Variants in KNDC1 observed in about 807,000 individuals in gnomAD.
KNDC1 encodes kinase non-catalytic C-lobe domain containing 1.
KNDC1 carries 106 observed loss-of-function variants against 172.8 expected under a neutral mutation model. The observed-to-expected ratio is 0.61, with a 90% CI of 0.52 to 0.72. KNDC1 has a LOEUF of 0.72. Among genes scored for constraint, KNDC1 ranks in the 30% least tolerant of loss-of-function variants. The pLI is 0.00. For synonymous variants in KNDC1, 1,083 were observed against 1,062.2 expected, an observed-to-expected ratio of 1.02 and a Z score of -0.38; for missense variants, 2,325 against 2,394.5, an observed-to-expected ratio of 0.97 and a Z score of 0.61.
rs754137623 is a variant in KNDC1, at chr10:133,224,794, C to T, written c.5154C>T (p.Ala1718=). 57 of 1,614,128 alleles carry T rather than the reference C, an allele frequency of 3.5e-5. 1 individual carries two copies. In the Middle Eastern group the frequency reaches 1.5e-3, roughly 42 times the overall value. ...GCGGTGCCGACATTTCCACACTCGC[C>T]GCAGATAGCAGGGCCAACTTCCACC... ...RFSGADISTL[A]ADSRANFHQV... The change falls in exon 30 of 30, where the codon GCC becomes GCT. Residue 1718 remains alanine, a synonymous_variant. Coordinates refer to ENST00000304613, the MANE Select transcript of KNDC1 (RefSeq NM_152643.8). The surrounding 1 kb of genome is among the most constrained non-coding windows in gnomAD (Gnocchi z 5.4).
At chr10:133,184,108 T>C (rs979346842) in intron 5 of KNDC1, 119 bp downstream of exon 5, 11 of 526,974 alleles carry the variant, frequency 2.1e-5, no homozygotes, top group Admixed American at 3.3e-5. Context: ...CACACACCCA[T>C]ACTGCACACA....
chr10:133,170,857 C>T (rs1280334964), intron 3 of KNDC1, among the ~76,000 whole-genome samples: 1 of 152,218 alleles, frequency 6.6e-6, no homozygotes, highest in Admixed American at 6.5e-5. Context: ...AGCCCAACCC[C>T]AGCCCTAACC....
In KNDC1 at chr10:133,224,200, A is replaced by G. The variant is rs1013459287; in HGVS notation, c.5019-459A>G. Among the ~76,000 whole-genome samples, 6 of 152,206 alleles carry G rather than the reference A, an allele frequency of 3.9e-5. No homozygotes were observed. Among genetic ancestry groups the G allele is most frequent in the Admixed American group, 3.9e-4 (6 of 15,282 alleles). ...TGAGGGCTCCTGCTCGTGACTGGCC[A>G]GCTTTCTCCATTATATTCTATGGTG... On this transcript the variant is annotated intron_variant, in intron 29 of 29. Transcript: ENST00000304613. The surrounding 1 kb of genome is among the most constrained non-coding windows in gnomAD (Gnocchi z 5.4).
chr10:133,170,876 A>T (rs887772560), intron 3 of KNDC1, among the ~76,000 whole-genome samples: 7 of 149,456 alleles, frequency 4.7e-5, no homozygotes, highest in Admixed American at 4.0e-4. Context: ...CCCTAACTCC[A>T]CTGTCCGCTC....
In KNDC1 at chr10:133,166,127, G is replaced by A. The variant is rs11101600; in HGVS notation, c.103-1254G>A. On this transcript the variant is annotated intron_variant, in intron 1 of 29. Transcript: ENST00000304613. ...TTGCAGTGCCAGCCGCTGGGGCAGG[G>A]TAGGGGGACCGGAGGCAGGAGGTGC... Among the ~76,000 whole-genome samples the A allele has an allele frequency of 7.5e-3, 1,140 of 152,296 alleles. 15 individuals carry two copies. The highest frequency in any genetic ancestry group is 0.026 in the African/African-American group (1,087 of 41,562).
At chr10:133,210,406 G>A (rs997567928) in intron 20 of KNDC1, among the ~76,000 whole-genome samples, 12 of 149,580 alleles carry the variant, frequency 8.0e-5, no homozygotes, top group African/African-American at 3.0e-4. Context: ...GGTGCTGGAA[G>A]GCTGGAAGTA....
Position 133,197,402 on chromosome 10 carries a change from TG to T in KNDC1, c.1812+270del, listed in dbSNP as rs577264749. On this transcript the variant is annotated intron_variant, in intron 11 of 29. Transcript: ENST00000304613. ...CACCCACCCCGGGCGCAGAGAGCTT[TG>T]GGAGTGTGGGCCCTGAGTCTCGGGT... is the stretch of plus-strand genomic sequence containing the variant. 3.4e-4 allele frequency among the ~76,000 whole-genome samples: 51 copies of T among 152,228 alleles called. No homozygotes were observed. In the Middle Eastern group the frequency reaches 0.014, roughly 41 times the overall value.
chr10:133,224,314 C>T lies in KNDC1; in HGVS notation c.5019-345C>T, dbSNP rs1246431718. 6.6e-6 allele frequency among the ~76,000 whole-genome samples: 1 copy of T among 152,214 alleles called. No individual in the cohort carries two copies. Among genetic ancestry groups the T allele is most frequent in the Non-Finnish European group, 1.5e-5 (1 of 68,046 alleles). ...CAGGTGTGAATGTGAACGCTCTGCA[C>T]GGCAGCAGAGAGTCCCTTGCCTGCC... On this transcript the variant is annotated intron_variant, in intron 29 of 29. Coordinates refer to ENST00000304613, the MANE Select transcript of KNDC1 (RefSeq NM_152643.8). The surrounding 1 kb of genome is among the most constrained non-coding windows in gnomAD (Gnocchi z 5.4).
intron 9 of KNDC1, among the ~76,000 whole-genome samples, chr10:133,193,612 G>A (rs1412959384): frequency 6.6e-6 from 1 of 152,046 alleles, no homozygotes; most frequent in African/African-American, 2.4e-5. Context: ...AGGAAGAGAA[G>A]AAGAAAGGAA....
chr10:133,183,855 G>A lies in KNDC1; in HGVS notation c.508-17G>A. The stretch of plus-strand genomic sequence containing the variant: ...CCCTCCTCCGAGCCTTCCTGTCTGA[G>A]GTGTTCCCGTCCCCAGAGCATCATC... On this transcript the variant is annotated splice_polypyrimidine_tract_variant and intron_variant, in intron 4 of 29. Coordinates refer to ENST00000304613, the MANE Select transcript of KNDC1 (RefSeq NM_152643.8). 2 of 1,550,850 alleles carry A rather than the reference G, an allele frequency of 1.3e-6. No homozygotes were observed. Among genetic ancestry groups the A allele is most frequent in the Non-Finnish European group, 1.8e-6 (2 of 1,138,730 alleles).
In KNDC1 at chr10:133,183,978, G is replaced by C. The variant is rs1383800314; in HGVS notation, c.614G>C (p.Gly205Ala). Residue 205 changes from glycine (G) to alanine (A), a missense_variant, in exon 5 of 30, where the codon GGA becomes GCA. Transcript: ENST00000304613. ...GRRVLSIESF[G>A]ALQDVSESSW... ...AGGGTCCTCTCCATCGAGTCCTTCG[G>C]AGCGCTGCAGGGTGAGTTCTTGAAC... 2 of 1,576,290 alleles carry C rather than the reference G, an allele frequency of 1.3e-6. No individual in the cohort carries two copies. The highest frequency in any genetic ancestry group is 1.7e-6 in the Non-Finnish European group (2 of 1,154,720).
chr10:133,182,603 G>T (rs1853750400), intron 3 of KNDC1, among the ~76,000 whole-genome samples: 1 of 152,256 alleles, frequency 6.6e-6, no homozygotes, highest in East Asian at 1.9e-4. Context: ...GCCGTGTCCA[G>T]GGTGGACCTC....
Position 133,218,767 on chromosome 10 carries a change from C to T in KNDC1, c.4678-64C>T. ...TGGAGCTGGGTGATTTTAACAGGTT[C>T]TCAAATATTCCCTTTGTTCATCTTA... On this transcript the variant is annotated intron_variant, in intron 26 of 29. Transcript: ENST00000304613. 4 of 1,569,952 alleles carry T rather than the reference C, an allele frequency of 2.5e-6. 1 individual carries two copies. The Admixed American group carries it at 7.0e-5, about 27-fold the overall frequency.
chr10:133,186,225 G>C lies in KNDC1; in HGVS notation c.877G>C (p.Asp293His). 6.3e-7 allele frequency: 1 copy of C among 1,586,474 alleles called. No homozygotes were observed. The change falls in exon 6 of 30, where the codon GAC (aspartate) becomes CAC (histidine). Residue 293 changes from aspartate to histidine, a missense_variant. Transcript: ENST00000304613. Reference protein sequence around the residue: ...LDAERTLGELDRDALRRSRLR... With the variant: ...LDAERTLGELHRDALRRSRLR... Reference sequence around the variant, plus strand: ...TGCCGAGCGCACCCTCGGGGAGCTGGACAGAGACGCCCTCAGGAGAAGCCG... The same window carrying C: ...TGCCGAGCGCACCCTCGGGGAGCTGCACAGAGACGCCCTCAGGAGAAGCCG...
chr10:133,220,030 C>T lies in KNDC1; in HGVS notation c.4936C>T (p.His1646Tyr), dbSNP rs771190479. ...FRAQPTLPSA[H>Y]LLAMHIQQLE... ...GGCGCAGCCCACCCTGCCCTCGGCC[C>T]ACCTCCTGGCCATGCACATCCAGCA... Residue 1646 changes from histidine (H) to tyrosine (Y), a missense_variant, in exon 29 of 30, where the codon CAC (histidine) becomes TAC (tyrosine). His to Tyr is a moderately conservative substitution (Grantham distance 83). Coordinates refer to ENST00000304613, the MANE Select transcript of KNDC1 (RefSeq NM_152643.8). 6.4e-7 allele frequency: 1 copy of T among 1,556,450 alleles called. No individual in the cohort carries two copies.
chr10:133,207,397 G>T, intron 20 of KNDC1, 46 bp downstream of exon 20: 2 of 1,575,004 alleles, frequency 1.3e-6, no homozygotes, highest in Non-Finnish European at 1.7e-6. Context: ...CGTAGCCCGG[G>T]GTGCTGAGAA....
chr10:133,216,270 T>TG (rs531899303), intron 26 of KNDC1, among the ~76,000 whole-genome samples: 30 of 151,270 alleles, frequency 2.0e-4, no homozygotes, highest in African/African-American at 6.3e-4. Context: ...CTGAAGAAAA[T>TG]GGGGGGTCGG....
chr10:133,183,956 G>A lies in KNDC1; in HGVS notation c.592G>A (p.Val198Ile), dbSNP rs758384989. The A allele has an allele frequency of 5.6e-6, 9 of 1,598,384 alleles. No homozygotes were observed. The South Asian group carries it at 1.0e-4, about 18-fold the overall frequency. ...GAGCCTCTCTGCTGTGGGGAGGAGG[G>A]TCCTCTCCATCGAGTCCTTCGGAGC... ...CRSLSAVGRR[V>I]LSIESFGALQ... The change falls in exon 5 of 30, where the codon GTC becomes ATC. Residue 198 changes from valine (V) to isoleucine (I), a missense_variant. Val to Ile is a conservative substitution (Grantham distance 29). Transcript: ENST00000304613.
chr10:133,172,199 C>G (rs1853398004), intron 3 of KNDC1, among the ~76,000 whole-genome samples: 1 of 152,186 alleles, frequency 6.6e-6, no homozygotes, highest in Admixed American at 6.5e-5. Context: ...ATCCCCCATT[C>G]TAAAAAGAGC....
Sources: gnomAD v4.1 joint callset for allele counts (sites outside exome capture counted in the v4.1 genomes callset) on GRCh38, gnomAD v4.1.1 for gene constraint, Gnocchi (gnomAD v3.1) non-coding constraint, MANE v1.5 for transcripts, NCBI Gene and HGNC (gene_info 2026-07-23, HGNC 2026-07-21) for gene names.